Variants in KHDRBS2 observed in about 807,000 individuals in gnomAD.
The protein encoded by KHDRBS2 is KH domain-containing, RNA-binding, signal transduction-associated protein 2.
Under a neutral mutation model 44.3 loss-of-function variants are expected in KHDRBS2, and 26 were observed. That is an observed-to-expected ratio of 0.59 (90% CI 0.43 to 0.81). KHDRBS2 has a LOEUF of 0.81. Ranked by LOEUF, KHDRBS2 falls within the 40% of genes least tolerant of loss-of-function variation. The pLI, the probability that KHDRBS2 is intolerant of heterozygous loss-of-function variation, is 0.00. For missense variants in KHDRBS2, 476 were observed against 433.1 expected (o/e 1.10, Z -0.88); for synonymous variants, 194 against 151.1 (o/e 1.28, Z -2.08).
At chr6:61,882,055 A>T (rs1800282272) in intron 6 of KHDRBS2, among the ~76,000 whole-genome samples, 1 of 152,104 alleles carries the variant, frequency 6.6e-6, no homozygotes, top group South Asian at 2.1e-4. Flanking sequence ...AGAGGAAGAA[A>T]GTGAGAACAT....
intron 1 of KHDRBS2, among the ~76,000 whole-genome samples, chr6:62,260,232 T>C (rs1002304707): frequency 1.3e-5 from 2 of 152,054 alleles, no homozygotes; most frequent in African/African-American, 4.8e-5. Context: ...TAAAGATTAA[T>C]GTAGATTGTG....
At chr6:61,688,172 A>T (rs1582165109) in intron 8 of KHDRBS2, among the ~76,000 whole-genome samples, 1 of 152,032 alleles carries the variant, frequency 6.6e-6, no homozygotes, top group Non-Finnish European at 1.5e-5. Context: ...GGTTCTTAAC[A>T]TTTTTAAATA....
the KHDRBS2 span, among the ~76,000 whole-genome samples, chr6:61,640,540 T>A: frequency 6.6e-6 from 1 of 152,098 alleles, no homozygotes; most frequent in Non-Finnish European, 1.5e-5. Flanking sequence ...GGCTATTGAA[T>A]GCTTAGTGAG....
chr6:61,998,104 A>C (rs1352109422), intron 3 of KHDRBS2, among the ~76,000 whole-genome samples: 1 of 152,186 alleles, frequency 6.6e-6, no homozygotes, highest in Non-Finnish European at 1.5e-5. Flanking sequence ...GTGGTACTGG[A>C]AATAAAATAC....
chr6:61,754,714 T>G (rs1441803814), intron 6 of KHDRBS2, among the ~76,000 whole-genome samples: 1 of 151,944 alleles, frequency 6.6e-6, no homozygotes, highest in Non-Finnish European at 1.5e-5. Flanking sequence ...GTGGACTGGA[T>G]GTAAATCAAG....
chr6:62,087,763 C>A (rs1209789279), intron 2 of KHDRBS2, among the ~76,000 whole-genome samples: 1 of 152,134 alleles, frequency 6.6e-6, no homozygotes, highest in African/African-American at 2.4e-5. Context: ...GGGAAGTTCT[C>A]CTGGATAATA....
chr6:62,098,295 AG>A (rs913393707), intron 2 of KHDRBS2, among the ~76,000 whole-genome samples: 31 of 151,312 alleles, frequency 2.0e-4, no homozygotes, highest in African/African-American at 7.5e-4. Context: ...TTCAGTATAA[AG>A]AACTCTTTTT....
intron 1 of KHDRBS2, among the ~76,000 whole-genome samples, chr6:62,211,840 T>G (rs1829101492): frequency 6.6e-6 from 1 of 152,160 alleles, no homozygotes; most frequent in Non-Finnish European, 1.5e-5. Context: ...CATTCTATTA[T>G]AAAGATACAT....
At chr6:61,816,371 G>T (rs1788931317) in intron 6 of KHDRBS2, among the ~76,000 whole-genome samples, 1 of 152,042 alleles carries the variant, frequency 6.6e-6, no homozygotes, top group Non-Finnish European at 1.5e-5. Flanking sequence ...TATGAAGAAG[G>T]AAGATGCCCG....
chr6:62,141,549 T>A lies in KHDRBS2; in HGVS notation c.219+35636A>T, dbSNP rs141684585. On this transcript the variant is annotated intron_variant, in intron 2 of 8. Coordinates refer to ENST00000281156, the MANE Select transcript of KHDRBS2 (RefSeq NM_152688.4). The stretch of plus-strand genomic sequence containing the variant: ...GATTTCTAATTTTTCATCTGTTTAC[T>A]GCAGTACATTGAAGGAAATCTTTTC... Among the ~76,000 whole-genome samples, 16 of 152,286 alleles carry A rather than the reference T, an allele frequency of 1.1e-4. No individual in the cohort carries two copies. In the East Asian group the frequency reaches 2.3e-3, roughly 22 times the overall value.
At chr6:62,012,807 T>C (rs1461140205) in intron 3 of KHDRBS2, among the ~76,000 whole-genome samples, 1 of 152,178 alleles carries the variant, frequency 6.6e-6, no homozygotes, top group Non-Finnish European at 1.5e-5. Context: ...ACGGAAGCAT[T>C]TTAGTAACAT....
intron 2 of KHDRBS2, among the ~76,000 whole-genome samples, chr6:62,085,861 T>C (rs1196205553): frequency 2.6e-5 from 4 of 152,100 alleles, no homozygotes; most frequent in Admixed American, 6.6e-5. Flanking sequence ...AAAAATAATT[T>C]ACTTGAATAA....
At chr6:62,189,471 G>A (rs577404371) in intron 1 of KHDRBS2, among the ~76,000 whole-genome samples, 5 of 152,068 alleles carry the variant, frequency 3.3e-5, no homozygotes, top group South Asian at 2.1e-4. Flanking sequence ...CATTTTAAGC[G>A]CTTAGGTTTT....
chr6:62,100,609 A>G (rs950715144), intron 2 of KHDRBS2, among the ~76,000 whole-genome samples: 2 of 152,220 alleles, frequency 1.3e-5, no homozygotes, highest in Admixed American at 1.3e-4. Flanking sequence ...GTCAGCAGCC[A>G]TCAAGATCAA....
the KHDRBS2 span, among the ~76,000 whole-genome samples, chr6:61,585,943 A>G: frequency 1.3e-5 from 2 of 152,150 alleles, no homozygotes; most frequent in East Asian, 3.9e-4. Context: ...TGTGCTTATC[A>G]TGAATGAGAA....
chr6:62,051,755 T>G (rs1348450573), intron 2 of KHDRBS2, among the ~76,000 whole-genome samples: 1 of 152,064 alleles, frequency 6.6e-6, no homozygotes, highest in Non-Finnish European at 1.5e-5. Context: ...TAAGGGTTAT[T>G]ATTCAAAATT....
chr6:62,055,470 T>C (rs143845276), intron 2 of KHDRBS2, among the ~76,000 whole-genome samples: 2 of 152,176 alleles, frequency 1.3e-5, no homozygotes, highest in Non-Finnish European at 1.5e-5. Flanking sequence ...TGTACTTATA[T>C]ACGCACCTGT....
At chr6:62,235,070 CTTT>C (rs10570985) in intron 1 of KHDRBS2, among the ~76,000 whole-genome samples, 78 of 106,912 alleles carry the variant, frequency 7.3e-4, no homozygotes, top group African/African-American at 2.3e-3. Context: ...TCCATTTAGG[CTTT>C]TTTTTTTTTT....
chr6:62,264,802 T>C (rs1260669159), intron 1 of KHDRBS2, among the ~76,000 whole-genome samples: 2 of 151,776 alleles, frequency 1.3e-5, no homozygotes, highest in East Asian at 3.9e-4. Context: ...CTTTTTCCTA[T>C]TGCTTATTAT....
Sources: allele counts gnomAD v4.1 joint callset (sites outside exome capture counted in the v4.1 genomes callset), GRCh38; gene constraint gnomAD v4.1.1; transcripts MANE v1.5; gene names NCBI Gene and HGNC (gene_info 2026-07-23, HGNC 2026-07-21).